FARSB: variants seen among roughly 807,000 people sequenced by gnomAD.
FARSB encodes phenylalanyl-tRNA synthetase subunit beta.
A neutral mutation model predicts 69.6 loss-of-function variants in FARSB; 40 were observed. The observed-to-expected ratio is 0.57, with a 90% CI of 0.45 to 0.75. The LOEUF (loss-of-function observed/expected upper bound fraction) is 0.75, where lower values mean the gene tolerates loss of function less well. FARSB is among the 30% of genes least tolerant of loss of function. The probability of loss-of-function intolerance (pLI) is 0.00; values close to 1 mark genes in which losing one functional copy is unlikely to be tolerated. For synonymous variants in FARSB, 235 were observed against 247.2 expected (o/e 0.95, Z 0.46); for missense variants, 632 against 722.9 (o/e 0.87, Z 1.44).
Position 222,572,006 on chromosome 2 carries a change from G to A in FARSB, c.1635C>T (p.Pro545=), listed in dbSNP as rs377716916. Residue 545 remains proline, a synonymous_variant, in exon 17 of 17, where the codon CCC becomes CCT. Transcript: ENST00000281828. ...TGGCAAAGATCTCTGCACATCGCCCGGGGAAGAAAGCAGGCCCTGAAAAAG... is the reference window on the plus strand; with the variant it reads ...TGGCAAAGATCTCTGCACATCGCCCAGGGAAGAAAGCAGGCCCTGAAAAAG... The part of the protein sequence containing the change: ...IKASEGPAFF[P]GRCAEIFARG... 1.2e-5 allele frequency: 20 copies of A among 1,611,676 alleles called. No homozygotes were observed. Among genetic ancestry groups the A allele is most frequent in the South Asian group, 4.4e-5 (4 of 90,508 alleles).
At chr2:222,637,731 A>G (rs542663393) in intron 5 of FARSB, among the ~76,000 whole-genome samples, 1 of 152,286 alleles carries the variant, frequency 6.6e-6, no homozygotes, top group East Asian at 1.9e-4. Flanking sequence ...CATAACTGTA[A>G]CCCCAGCACT....
chr2:222,589,907 C>A (rs1304654307), intron 16 of FARSB, among the ~76,000 whole-genome samples: 4 of 152,066 alleles, frequency 2.6e-5, no homozygotes, highest in Non-Finnish European at 5.9e-5. Context: ...ACACTTTCAC[C>A]CTGTTAGTGG....
intron 2 of FARSB, among the ~76,000 whole-genome samples, chr2:222,644,321 A>G (rs1308497867): frequency 1.3e-5 from 2 of 152,134 alleles, no homozygotes; most frequent in Non-Finnish European, 2.9e-5. Context: ...TACCTTGGGC[A>G]TCTCAAACTT....
At chr2:222,622,741 G>A (rs1691171289) in intron 13 of FARSB, among the ~76,000 whole-genome samples, 2 of 152,214 alleles carry the variant, frequency 1.3e-5, no homozygotes, top group South Asian at 4.2e-4. Flanking sequence ...CAGGTATGGT[G>A]GCCTGGAACA....
chr2:222,597,006 G>A lies in FARSB; in HGVS notation c.1618+2922C>T, dbSNP rs138873065. ...GAAATGAGGAACCATTATTTGTAAT[G>A]ATACCAATTCTCTGTGGCTTGATGG... On this transcript the variant is annotated intron_variant, in intron 16 of 16. Coordinates refer to ENST00000281828, the MANE Select transcript of FARSB (RefSeq NM_005687.5). 1.4e-3 allele frequency among the ~76,000 whole-genome samples: 220 copies of A among 152,226 alleles called. 1 individual carries two copies. The highest frequency in any genetic ancestry group is 0.013 in the Admixed American group (192 of 15,280).
At chr2:222,601,651 A>T (rs1690564538) in intron 15 of FARSB, among the ~76,000 whole-genome samples, 1 of 152,090 alleles carries the variant, frequency 6.6e-6, no homozygotes, top group Non-Finnish European at 1.5e-5. Context: ...TACAAACTCA[A>T]TATTTCATTT....
At chr2:222,600,753 C>T (rs1439265055) in intron 15 of FARSB, among the ~76,000 whole-genome samples, 1 of 152,084 alleles carries the variant, frequency 6.6e-6, no homozygotes, top group African/African-American at 2.4e-5. Flanking sequence ...ATGACTATGA[C>T]CAAAGTTAGG....
chr2:222,627,283 G>A (rs909020876), intron 10 of FARSB, among the ~76,000 whole-genome samples: 1 of 152,206 alleles, frequency 6.6e-6, no homozygotes, highest in African/African-American at 2.4e-5. Context: ...ACAGAATAAT[G>A]TTTGAAAAAT....
rs570688593 is a variant in FARSB, at chr2:222,602,613, CT to C, written c.1463-2531del. On this transcript the variant is annotated intron_variant, in intron 15 of 16. Coordinates refer to ENST00000281828, the MANE Select transcript of FARSB (RefSeq NM_005687.5). The stretch of plus-strand genomic sequence containing the variant: ...ACCATATTATCCAGTAATTCTACTT[CT>C]TTTTTTTTTAATTTTATTATTATTA... Among the ~76,000 whole-genome samples the C allele has an allele frequency of 5.8e-4, 85 of 146,486 alleles. No homozygotes were observed. The South Asian group carries it at 0.014, about 24-fold the overall frequency.
intron 15 of FARSB, among the ~76,000 whole-genome samples, chr2:222,600,580 T>C (rs1412945047): frequency 6.6e-6 from 1 of 152,192 alleles, no homozygotes; most frequent in Non-Finnish European, 1.5e-5. Flanking sequence ...AAGCGGCTAT[T>C]AGAAAGCATC....
At chr2:222,648,822 A>T in intron 1 of FARSB, 27 bp from the exon 2 acceptor site, 1 of 1,477,536 alleles carries the variant, frequency 6.8e-7, no homozygotes, top group Non-Finnish European at 9.5e-7. Context: ...GGAGATGGTT[A>T]ATTTCACTCT....
At chr2:222,639,056 G>A (rs925692120) in intron 5 of FARSB, among the ~76,000 whole-genome samples, 1 of 152,180 alleles carries the variant, frequency 6.6e-6, no homozygotes, top group Admixed American at 6.5e-5. Context: ...AGCTGTGCAG[G>A]AAATTATGCA....
Position 222,600,008 on chromosome 2 carries a change from C to G in FARSB, c.1538G>C (p.Gly513Ala). 6.2e-7 allele frequency: 1 copy of G among 1,612,462 alleles called. No individual in the cohort carries two copies. Among genetic ancestry groups the G allele is most frequent in the Non-Finnish European group, 8.5e-7 (1 of 1,179,512 alleles). The change falls in exon 16 of 17, where the codon GGG becomes GCG. Residue 513 changes from glycine (G) to alanine (A), a missense_variant. Coordinates refer to ENST00000281828, the MANE Select transcript of FARSB (RefSeq NM_005687.5). The part of the protein sequence containing the change: ...NKNPGFEIIH[G>A]LLDRIMQLLD... ...CAACTGCATAATTCTGTCCAGCAGC[C>G]CATGAATGATCTCAAACCCAGGATT...
intron 16 of FARSB, among the ~76,000 whole-genome samples, chr2:222,582,193 T>A (rs188771778): frequency 6.6e-6 from 1 of 152,206 alleles, no homozygotes; most frequent in Non-Finnish European, 1.5e-5. Context: ...AGGAAATTAG[T>A]TGATTACACT....
chr2:222,586,421 G>C (rs1419816294), intron 16 of FARSB, among the ~76,000 whole-genome samples: 1 of 152,182 alleles, frequency 6.6e-6, no homozygotes, highest in African/African-American at 2.4e-5. Context: ...AAATTGTAAA[G>C]ACCATTGATG....
intron 16 of FARSB, among the ~76,000 whole-genome samples, chr2:222,581,199 G>A (rs772198834): frequency 3.3e-5 from 5 of 152,136 alleles, no homozygotes; most frequent in Non-Finnish European, 5.9e-5. Flanking sequence ...TAAAGTTAAC[G>A]GGCCTCCTGT....
intron 16 of FARSB, among the ~76,000 whole-genome samples, chr2:222,578,911 G>T (rs530112874): frequency 6.6e-6 from 1 of 152,194 alleles, no homozygotes; most frequent in Non-Finnish European, 1.5e-5. Flanking sequence ...GAACTCGGGA[G>T]GGGGAGGTTG....
chr2:222,651,879 C>A (rs1011783135), intron 1 of FARSB, among the ~76,000 whole-genome samples: 1 of 152,214 alleles, frequency 6.6e-6, no homozygotes, highest in African/African-American at 2.4e-5. Context: ...TTCTAGGGAT[C>A]ACTCAGAGGG....
At chr2:222,646,941 C>T (rs1291147456) in intron 2 of FARSB, among the ~76,000 whole-genome samples, 3 of 152,202 alleles carry the variant, frequency 2.0e-5, no homozygotes, top group Non-Finnish European at 4.4e-5. Context: ...CCAAACACAG[C>T]GATGCTGGTG....
Sources: gnomAD v4.1 joint callset for allele counts (sites outside exome capture counted in the v4.1 genomes callset) on GRCh38, gnomAD v4.1.1 for gene constraint, MANE v1.5 for transcripts, NCBI Gene and HGNC (gene_info 2026-07-23, HGNC 2026-07-21) for gene names.